The following INMT variants were observed in gnomAD, a reference collection of about 807,000 sequenced individuals.
INMT encodes the protein amine N-methyltransferase.
Under a neutral mutation model 11.5 loss-of-function variants are expected in INMT, and 11 were observed. That is an observed-to-expected ratio of 0.95 (90% CI 0.60 to 1.58). The LOEUF is 1.58. Ranked by LOEUF, INMT falls within the 40% of genes most tolerant of loss-of-function variation. The probability of loss-of-function intolerance (pLI) is 0.00; values close to 1 mark genes in which losing one functional copy is unlikely to be tolerated. For synonymous variants in INMT, 155 were observed against 142.9 expected, an observed-to-expected ratio of 1.08 and a Z score of -0.60; for missense variants, 316 against 336.1, an observed-to-expected ratio of 0.94 and a Z score of 0.47.
chr7:30,756,258 C>G lies in INMT; in HGVS notation c.*407C>G. The G allele has an allele frequency of 8.8e-6, 8 of 907,568 alleles. No individual in the cohort carries two copies. Among genetic ancestry groups the G allele is most frequent in the Non-Finnish European group, 1.1e-5 (8 of 758,140 alleles). The allele number at this position is 907,568 out of a possible 1,614,324, so 56.2% of individuals were successfully genotyped here. ...GGGAATTTTTTTTTTTTTTTTGAGACGGAGTCTGGCTCTGTCACCCAGGCT... is the reference window on the plus strand; with the variant it reads ...GGGAATTTTTTTTTTTTTTTTGAGAGGGAGTCTGGCTCTGTCACCCAGGCT... On this transcript the variant is annotated 3_prime_UTR_variant, in exon 3 of 3. Coordinates refer to ENST00000013222, the MANE Select transcript of INMT (RefSeq NM_006774.5).
Position 30,755,412 on chromosome 7 carries a change from C to G in INMT, c.363-10C>G. 2 of 1,576,252 alleles carry G rather than the reference C, an allele frequency of 1.3e-6. No individual in the cohort carries two copies. Among genetic ancestry groups the G allele is most frequent in the Non-Finnish European group, 1.7e-6 (2 of 1,168,486 alleles). On this transcript the variant is annotated splice_polypyrimidine_tract_variant and intron_variant, in intron 2 of 2. Coordinates refer to ENST00000013222, the MANE Select transcript of INMT (RefSeq NM_006774.5). ...AAAGGGCCTCCCCGACTCCCTCTCT[C>G]TCTCTGCAGCGGCCGATGGGAGGAG...
chr7:30,756,402 A>ATTTTTTTTTTTTTTTTTTTTTTTT lies in INMT; in HGVS notation c.*570_*571insTTTTTTTTTTTTTTTTTTTTTTTT, dbSNP rs58472657. The ATTTTTTTTTTTTTTTTTTTTTTTT allele has an allele frequency of 4.2e-5, 4 of 95,614 alleles. No individual in the cohort carries two copies. Among genetic ancestry groups the ATTTTTTTTTTTTTTTTTTTTTTTT allele is most frequent in the African/African-American group, 1.8e-4 (4 of 22,380 alleles). 5.9% of individuals were successfully genotyped at this position (95,614 alleles called of 1,614,324 possible). A position where few individuals can be genotyped will look rare whatever the true frequency, so the allele number is the denominator to read the frequency against. On this transcript the variant is annotated 3_prime_UTR_variant, in exon 3 of 3. Transcript: ENST00000013222. ...AGGAGCTCGCCACCACACCCAGCTAATTTTTTTTTTTTTTTTTTTATTTGA... is the reference window on the plus strand; with the variant it reads ...AGGAGCTCGCCACCACACCCAGCTAATTTTTTTTTTTTTTTTTTTTTTTTTTTTTTTTTTTTTTTTTTTATTTGA...
rs763658612 is a variant in INMT at position 30,753,748 on chromosome 7, A to ATTGG, written c.172_173insTTGG (p.Thr58IlefsTer5). ...TCCCACAGGAGGCCTCCAAGGGGAC[A>ATTGG]CGCTGATTGACATTGGCTCAGGTCC... On this transcript the variant is annotated frameshift_variant, in exon 2 of 3. Transcript: ENST00000013222. LOFTEE classifies it high-confidence loss of function. The ATTGG allele has an allele frequency of 8.7e-6, 14 of 1,614,174 alleles. No individual in the cohort carries two copies. The South Asian group carries it at 1.5e-4, about 18-fold the overall frequency.
chr7:30,752,685 C>T lies in INMT; in HGVS notation c.154+381C>T, dbSNP rs145600518. On this transcript the variant is annotated intron_variant, in intron 1 of 2. Transcript: ENST00000013222. ...GGCAAACAGCAGGGTTGCAGTGGGA[C>T]GGGATCGCCTGTGCCCGGAGTGTGC... Among the ~76,000 whole-genome samples the T allele has an allele frequency of 2.0e-3, 306 of 152,272 alleles. 1 individual carries two copies. The highest frequency in any genetic ancestry group is 6.9e-3 in the African/African-American group (286 of 41,566).
Position 30,754,310 on chromosome 7 carries a change from T to C in INMT, c.362+372T>C, listed in dbSNP as rs1786168740. On this transcript the variant is annotated intron_variant, in intron 2 of 2. Transcript: ENST00000013222. The surrounding 1 kb of genome is among the most constrained non-coding windows in gnomAD (Gnocchi z 4.9). ...ATCCGTCCACCCACCGGTTCATCCA[T>C]TCATCCATCCATCCATCCATCCATC... Among the ~76,000 whole-genome samples the C allele has an allele frequency of 6.6e-6, 1 of 151,818 alleles. No individual in the cohort carries two copies.
At chr7:30,753,405 T>G (rs756121290) in intron 1 of INMT, among the ~76,000 whole-genome samples, 1 of 152,276 alleles carries the variant, frequency 6.6e-6, no homozygotes, top group Non-Finnish European at 1.5e-5. Flanking sequence ...CTCTGTTCTC[T>G]GTCCCAGAAA....
Position 30,754,551 on chromosome 7 carries a change from C to A in INMT, c.362+613C>A, listed in dbSNP as rs1425630917. Among the ~76,000 whole-genome samples, 1 of 151,292 alleles carries A rather than the reference C, an allele frequency of 6.6e-6. No individual in the cohort carries two copies. The highest frequency in any genetic ancestry group is 2.4e-5 in the African/African-American group (1 of 41,132). On this transcript the variant is annotated intron_variant, in intron 2 of 2. Transcript: ENST00000013222. This position sits in a 1 kb window ranked among gnomAD's most constrained non-coding sequence, Gnocchi z 4.9. ...CATCCATCCACATACATCCGCCCAG[C>A]CATCCATCTATCCATCCATCCACCC...
rs1033377097 is a variant in INMT at position 30,754,971 on chromosome 7, C to T, written c.363-451C>T. 6.6e-5 allele frequency among the ~76,000 whole-genome samples: 10 copies of T among 152,096 alleles called. No individual in the cohort carries two copies. The highest frequency in any genetic ancestry group is 1.5e-4 in the Non-Finnish European group (10 of 68,022). ...AAACAATCTATAATTTAGTTTTAGTCGCCTTTGAGCTTTATAGCAGAGTAA... is the reference window on the plus strand; with the variant it reads ...AAACAATCTATAATTTAGTTTTAGTTGCCTTTGAGCTTTATAGCAGAGTAA... On this transcript the variant is annotated intron_variant, in intron 2 of 2. Transcript: ENST00000013222. The surrounding 1 kb of genome is among the most constrained non-coding windows in gnomAD (Gnocchi z 4.9).
chr7:30,754,275 A>G lies in INMT; in HGVS notation c.362+337A>G, dbSNP rs1307623104. Among the ~76,000 whole-genome samples the G allele has an allele frequency of 6.6e-6, 1 of 152,048 alleles. No homozygotes were observed. Among genetic ancestry groups the G allele is most frequent in the Admixed American group, 6.5e-5 (1 of 15,270 alleles). ...CTTCTATGTATCTAACTATCCGTGC[A>G]TATCCATCCATCCGTCCACCCACCG... is the stretch of plus-strand genomic sequence containing the variant. On this transcript the variant is annotated intron_variant, in intron 2 of 2. Transcript: ENST00000013222. This position sits in a 1 kb window ranked among gnomAD's most constrained non-coding sequence, Gnocchi z 4.9.
intron 1 of INMT, among the ~76,000 whole-genome samples, chr7:30,752,903 G>A (rs1305490907): frequency 6.6e-6 from 1 of 152,186 alleles, no homozygotes; most frequent in Non-Finnish European, 1.5e-5. Flanking sequence ...TGATTTGATT[G>A]TGTCTTCTAA....
rs771167035 is a variant in INMT at position 30,752,274 on chromosome 7, T to C, written c.124T>C (p.Leu42=). 16 of 1,614,104 alleles carry C rather than the reference T, an allele frequency of 9.9e-6. No individual in the cohort carries two copies. The highest frequency in any genetic ancestry group is 2.2e-5 in the East Asian group (1 of 44,882). Residue 42 remains leucine (L), a synonymous_variant, in exon 1 of 3, where the codon TTG becomes CTG. Transcript: ENST00000013222. Reference sequence around the variant, plus strand: ...CGAGGCCGAGATGCTGAAGTTTAACTTGGAATGTCTCCACAAGACCTTCGG... The same window carrying C: ...CGAGGCCGAGATGCTGAAGTTTAACCTGGAATGTCTCCACAAGACCTTCGG... ...SPEAEMLKFN[L]ECLHKTFGPG...
intron 2 of INMT, among the ~76,000 whole-genome samples, 198 bp from the exon 3 acceptor site, chr7:30,755,224 G>A (rs1004349343): frequency 6.6e-6 from 1 of 152,154 alleles, no homozygotes; most frequent in Admixed American, 6.5e-5. Flanking sequence ...AATTGTTCTA[G>A]CCATTCTCCC....
rs141658794 is a variant in INMT at position 30,753,838 on chromosome 7, G to T, written c.262G>T (p.Asp88Tyr). ...AGACATCACTCTCTCCGACTTTACC[G>T]ACCGCAACCGGGAGGAGCTGGAAAA... ...FQDITLSDFT[D>Y]RNREELEKWL... The change falls in exon 2 of 3, where the codon GAC (aspartate) becomes TAC (tyrosine). Residue 88 changes from aspartate to tyrosine, a missense_variant. Coordinates refer to ENST00000013222, the MANE Select transcript of INMT (RefSeq NM_006774.5). 2 of 1,614,116 alleles carry T rather than the reference G, an allele frequency of 1.2e-6. No homozygotes were observed. The highest frequency in any genetic ancestry group is 1.7e-6 in the Non-Finnish European group (2 of 1,180,020).
intron 1 of INMT, 55 bp downstream of exon 1, chr7:30,752,359 G>A: frequency 2.0e-6 from 3 of 1,487,874 alleles, no homozygotes; most frequent in Non-Finnish European, 2.8e-6. Flanking sequence ...CCTGGATGGG[G>A]ATGGGGAGAC....
rs375757970 is a variant in INMT, at chr7:30,752,144, G to C, written c.-7G>C. 1.2e-6 allele frequency: 2 copies of C among 1,613,700 alleles called. No individual in the cohort carries two copies. Among genetic ancestry groups the C allele is most frequent in the South Asian group, 2.2e-5 (2 of 91,070 alleles). On this transcript the variant is annotated 5_prime_UTR_variant, in exon 1 of 3. Coordinates refer to ENST00000013222, the MANE Select transcript of INMT (RefSeq NM_006774.5). ...ATAGCAAGGAGGGGGCACATTTCAG[G>C]GACACCATGAAGGGTGGCTTCACTG...
intron 2 of INMT, 33 bp from the exon 3 acceptor site, chr7:30,755,389 A>G (rs1786206222): frequency 1.3e-6 from 2 of 1,519,894 alleles, no homozygotes; most frequent in South Asian, 1.3e-5. Context: ...AGAACCTCAA[A>G]GGGCCTCCCC....
In INMT at chr7:30,756,098, C is replaced by A; in HGVS notation, c.*247C>A. 5.4e-6 allele frequency: 7 copies of A among 1,293,460 alleles called. No homozygotes were observed. The highest frequency in any genetic ancestry group is 6.9e-6 in the Non-Finnish European group (7 of 1,019,068). The allele number at this position is 1,293,460 out of a possible 1,614,324, so 80.1% of individuals were successfully genotyped here. A position where few individuals can be genotyped will look rare whatever the true frequency, so the allele number is the denominator to read the frequency against. ...CTAAGCCTTACAGCTATCTTAGATG[C>A]GATCTGACTCCTGTGTGACTGTGGA... On this transcript the variant is annotated 3_prime_UTR_variant, in exon 3 of 3. Transcript: ENST00000013222.
chr7:30,757,428 C>A lies in INMT; in HGVS notation c.*1577C>A. 4.5e-6 allele frequency: 1 copy of A among 221,724 alleles called. No individual in the cohort carries two copies. Among genetic ancestry groups the A allele is most frequent in the South Asian group, 6.0e-5 (1 of 16,720 alleles). 13.7% of individuals were successfully genotyped at this position (221,724 alleles called of 1,614,324 possible). On this transcript the variant is annotated 3_prime_UTR_variant, in exon 3 of 3. Coordinates refer to ENST00000013222, the MANE Select transcript of INMT (RefSeq NM_006774.5). ...GAGCCAGGACACAGCTCAGCTTGCT[C>A]ACGCCCAGAGAGAGAAAAAGTTAAG... is the stretch of plus-strand genomic sequence containing the variant.
rs560559883 is a variant in INMT, at chr7:30,757,574, G to C, written c.*1723G>C. The C allele has an allele frequency of 1.3e-5, 2 of 154,296 alleles. No individual in the cohort carries two copies. Among genetic ancestry groups the C allele is most frequent in the African/African-American group, 2.4e-5 (1 of 41,460 alleles). 9.6% of individuals were successfully genotyped at this position (154,296 alleles called of 1,614,324 possible). ...CTAGTGTAAGCTGTTGATGAGAGCT[G>C]TTGCTGAATAAAACCATATTCACCT... is the stretch of plus-strand genomic sequence containing the variant. On this transcript the variant is annotated 3_prime_UTR_variant, in exon 3 of 3. Coordinates refer to ENST00000013222, the MANE Select transcript of INMT (RefSeq NM_006774.5).
Sources: gnomAD v4.1 joint callset for allele counts (sites outside exome capture counted in the v4.1 genomes callset) on GRCh38, gnomAD v4.1.1 for gene constraint, Gnocchi (gnomAD v3.1) non-coding constraint, MANE v1.5 for transcripts, NCBI Gene and HGNC (gene_info 2026-07-23, HGNC 2026-07-21) for gene names.